REM2: variants seen among roughly 807,000 people sequenced by gnomAD.
The protein encoded by REM2 is GTP-binding protein REM 2.
Under a neutral mutation model 24.4 loss-of-function variants are expected in REM2, and 24 were observed. The ratio of observed to expected loss-of-function variants is 0.98; its 90% CI spans 0.71 to 1.38. REM2 has a LOEUF of 1.38. REM2 is among the 40% of genes most tolerant of loss of function. The pLI, the probability that REM2 is intolerant of heterozygous loss-of-function variation, is 0.00. For synonymous variants in REM2, 187 were observed against 198.0 expected (o/e 0.94, Z 0.47); for missense variants, 429 against 467.8 (o/e 0.92, Z 0.77).
At position 22,884,971 on chromosome 14, in the gene REM2, T is replaced by C. The variant is rs1049857366; in HGVS notation, c.401T>C (p.Phe134Ser). Residue 134 changes from phenylalanine to serine, a missense_variant, in exon 2 of 5, where the codon TTT becomes TCT. Coordinates refer to ENST00000267396, the MANE Select transcript of REM2 (RefSeq NM_173527.3). ...GVGKSTLAGT[F>S]GGLQGDSAHE... Reference sequence around the variant, plus strand: ...GGCAAGAGCACCCTAGCAGGCACTTTTGGTGGTCTCCAGGGAGACAGTGCT... The same window carrying C: ...GGCAAGAGCACCCTAGCAGGCACTTCTGGTGGTCTCCAGGGAGACAGTGCT... The C allele has an allele frequency of 1.3e-6, 2 of 1,568,396 alleles. No individual in the cohort carries two copies. Among genetic ancestry groups the C allele is most frequent in the Non-Finnish European group, 1.7e-6 (2 of 1,154,246 alleles).
intron 1 of REM2, 106 bp downstream of exon 1, chr14:22,883,496 C>A (rs1474707073): frequency 3.0e-5 from 30 of 988,484 alleles, no homozygotes; most frequent in Non-Finnish European, 4.0e-5. Context: ...GCTCAGTCAG[C>A]AAGAGGAGAA....
chr14:22,884,330 G>C (rs1313428949), intron 1 of REM2: 1 of 985,284 alleles, frequency 1.0e-6, no homozygotes, highest in Non-Finnish European at 1.2e-6. Context: ...CAACTCCACC[G>C]TACAGGGCCA....
rs72363604 is a variant in REM2 at position 22,883,255 on chromosome 14, TGCACAC to T, written c.-8_-3del. 0.13 allele frequency: 145,918 copies of T among 1,165,298 alleles called. 10,838 individuals are homozygous for T. The highest frequency in any genetic ancestry group is 0.13 in the Non-Finnish European group (106,681 of 795,752). The allele number at this position is 1,165,298 out of a possible 1,614,324, so 72.2% of individuals were successfully genotyped here. On this transcript the variant is annotated 5_prime_UTR_variant, in exon 1 of 5. Coordinates refer to ENST00000267396, the MANE Select transcript of REM2 (RefSeq NM_173527.3). ...GAGAGGGTGCTGCGAGCTGCTGGGC[TGCACAC>T]GCACACGCACACGCACACGCACACT...
Position 22,886,500 on chromosome 14 carries a change from C to A in REM2, c.728-114C>A. ...GAGCTCAGCCATGTTCTCTCGGTTGCAAGATTCACTAGTACCAATCCCTTG... is the reference window on the plus strand; with the variant it reads ...GAGCTCAGCCATGTTCTCTCGGTTGAAAGATTCACTAGTACCAATCCCTTG... On this transcript the variant is annotated intron_variant, in intron 4 of 4. Transcript: ENST00000267396. The surrounding 1 kb of genome is among the most constrained non-coding windows in gnomAD (Gnocchi z 5.9). The A allele has an allele frequency of 9.9e-7, 1 of 1,010,424 alleles. No homozygotes were observed. The highest frequency in any genetic ancestry group is 1.4e-6 in the Non-Finnish European group (1 of 710,598). 62.6% of individuals were successfully genotyped at this position (1,010,424 alleles called of 1,614,324 possible).
chr14:22,886,706 G>A lies in REM2; in HGVS notation c.820G>A (p.Val274Met). ...HNTRELFEGA[V>M]RQIRLRRGRN... is the part of the protein sequence containing the mutation. ...CACGAGGGAGCTCTTCGAGGGCGCG[G>A]TGCGCCAGATCCGGCTGCGGCGGGG... The change falls in exon 5 of 5, where the codon GTG (valine) becomes ATG (methionine). Residue 274 changes from valine to methionine, a missense_variant. Coordinates refer to ENST00000267396, the MANE Select transcript of REM2 (RefSeq NM_173527.3). The surrounding 1 kb of genome is among the most constrained non-coding windows in gnomAD (Gnocchi z 5.9). 3 of 1,508,260 alleles carry A rather than the reference G, an allele frequency of 2.0e-6. No homozygotes were observed. The highest frequency in any genetic ancestry group is 2.5e-5 in the East Asian group (1 of 39,730). The allele number at this position is 1,508,260 out of a possible 1,614,324, so 93.4% of individuals were successfully genotyped here.
rs2040105562 is a variant in REM2 at position 22,884,755 on chromosome 14, C to T, written c.185C>T (p.Ala62Val). Residue 62 changes from alanine (A) to valine (V), a missense_variant, in exon 2 of 5, where the codon GCC (alanine) becomes GTC (valine). Coordinates refer to ENST00000267396, the MANE Select transcript of REM2 (RefSeq NM_173527.3). ...DRSGLPSAPGAPRRRGSMPVP... is the reference protein window; with the variant it reads ...DRSGLPSAPGVPRRRGSMPVP... ...AGCGGGTTACCCTCTGCCCCTGGGG[C>T]CCCCAGACGAAGAGGCAGTATGCCT... 6.2e-7 allele frequency: 1 copy of T among 1,613,990 alleles called. No individual in the cohort carries two copies. Among genetic ancestry groups the T allele is most frequent in the Non-Finnish European group, 8.5e-7 (1 of 1,179,854 alleles).
In REM2 at chr14:22,886,919, G is replaced by A; in HGVS notation, c.*10G>A. 7.0e-7 allele frequency: 1 copy of A among 1,422,254 alleles called. No homozygotes were observed. The highest frequency in any genetic ancestry group is 9.2e-7 in the Non-Finnish European group (1 of 1,081,826). The allele number at this position is 1,422,254 out of a possible 1,614,324, so 88.1% of individuals were successfully genotyped here. On this transcript the variant is annotated 3_prime_UTR_variant, in exon 5 of 5. Coordinates refer to ENST00000267396, the MANE Select transcript of REM2 (RefSeq NM_173527.3). This position sits in a 1 kb window ranked among gnomAD's most constrained non-coding sequence, Gnocchi z 5.9. ...CCTCTCGGTGCTCTGAGCCGCGGTC[G>A]CCATGGCCACTGCGGTCGCCATGGT...
In REM2 at chr14:22,886,559, C is replaced by G; in HGVS notation, c.728-55C>G. On this transcript the variant is annotated intron_variant, in intron 4 of 4. Transcript: ENST00000267396. The surrounding 1 kb of genome is among the most constrained non-coding windows in gnomAD (Gnocchi z 5.9). ...CGCCCAGGCCCTCCCTAGACCCACC[C>G]TCGCCCCGGGTCCCGTACAGCCCAG... The G allele has an allele frequency of 7.0e-7, 1 of 1,430,654 alleles. No homozygotes were observed. The highest frequency in any genetic ancestry group is 2.5e-5 in the East Asian group (1 of 39,842). 88.6% of individuals were successfully genotyped at this position (1,430,654 alleles called of 1,614,324 possible). A position where few individuals can be genotyped will look rare whatever the true frequency, so the allele number is the denominator to read the frequency against.
Position 22,886,684 on chromosome 14 carries a change from G to A in REM2, c.798G>A (p.Thr266=), listed in dbSNP as rs1347829225. 3.3e-6 allele frequency: 5 copies of A among 1,498,068 alleles called. No homozygotes were observed. Among genetic ancestry groups the A allele is most frequent in the African/African-American group, 2.8e-5 (2 of 70,502 alleles). 92.8% of individuals were successfully genotyped at this position (1,498,068 alleles called of 1,614,324 possible). A position where few individuals can be genotyped will look rare whatever the true frequency, so the allele number is the denominator to read the frequency against. The change falls in exon 5 of 5, where the codon ACG becomes ACA. Residue 266 remains threonine (T), a synonymous_variant. Coordinates refer to ENST00000267396, the MANE Select transcript of REM2 (RefSeq NM_173527.3). This position sits in a 1 kb window ranked among gnomAD's most constrained non-coding sequence, Gnocchi z 5.9. ...IETSAALHHN[T]RELFEGAVRQ... ...CGTCGGCCGCACTGCACCACAACACGAGGGAGCTCTTCGAGGGCGCGGTGC... is the reference window on the plus strand; with the variant it reads ...CGTCGGCCGCACTGCACCACAACACAAGGGAGCTCTTCGAGGGCGCGGTGC...
chr14:22,885,926 T>A lies in REM2; in HGVS notation c.520-98T>A, dbSNP rs147222987. 8.3e-4 allele frequency: 819 copies of A among 990,102 alleles called. 2 individuals are homozygous for A. The highest frequency in any genetic ancestry group is 1.9e-3 in the Middle Eastern group (6 of 3,238). 61.3% of individuals were successfully genotyped at this position (990,102 alleles called of 1,614,324 possible). ...GCTCTGCTGTCCTAAGCAGGTGGCT[T>A]CTTTCTGCCTCACAGCCCTGTTCCT... On this transcript the variant is annotated intron_variant, in intron 3 of 4. Transcript: ENST00000267396.
At position 22,886,018 on chromosome 14, in the gene REM2, C is replaced by T. The variant is rs1349814916; in HGVS notation, c.520-6C>T. The T allele has an allele frequency of 6.2e-7, 1 of 1,612,632 alleles. No homozygotes were observed. The highest frequency in any genetic ancestry group is 8.5e-7 in the Non-Finnish European group (1 of 1,178,698). ...CCAGCCCTAACGTTCCTCTGCCTGTCTGCAGGGGGATGCAGGAGGGTGGCT... is the reference window on the plus strand; with the variant it reads ...CCAGCCCTAACGTTCCTCTGCCTGTTTGCAGGGGGATGCAGGAGGGTGGCT... On this transcript the variant is annotated splice_region_variant and splice_polypyrimidine_tract_variant and intron_variant, in intron 3 of 4. Coordinates refer to ENST00000267396, the MANE Select transcript of REM2 (RefSeq NM_173527.3). This position sits in a 1 kb window ranked among gnomAD's most constrained non-coding sequence, Gnocchi z 5.9.
chr14:22,886,377 C>T lies in REM2; in HGVS notation c.727+146C>T, dbSNP rs1050063213. On this transcript the variant is annotated intron_variant, in intron 4 of 4. Transcript: ENST00000267396. The surrounding 1 kb of genome is among the most constrained non-coding windows in gnomAD (Gnocchi z 5.9). ...GGCTAGGGGGACACTCCCAATGCCC[C>T]ACTCGAGGATCCTGAGAATCCCTTC... The T allele has an allele frequency of 1.3e-6, 1 of 791,868 alleles. No individual in the cohort carries two copies. Among genetic ancestry groups the T allele is most frequent in the African/African-American group, 1.7e-5 (1 of 58,146 alleles). 49.1% of individuals were successfully genotyped at this position (791,868 alleles called of 1,614,324 possible).
At chr14:22,885,195 T>C (rs2040112092) in intron 2 of REM2, 71 bp from the exon 3 acceptor site, 1 of 1,457,804 alleles carries the variant, frequency 6.9e-7, no homozygotes, top group Admixed American at 1.7e-5. Flanking sequence ...GAGGTGTCCC[T>C]GGTTACCAGG....
intron 2 of REM2, 32 bp downstream of exon 2, chr14:22,885,047 G>T (rs1336066343): frequency 6.6e-7 from 1 of 1,518,334 alleles, no homozygotes; most frequent in Non-Finnish European, 8.8e-7. Context: ...GGGTTGAGGG[G>T]GCTCTGGGGC....
Position 22,885,302 on chromosome 14 carries a change from A to C in REM2, c.482A>C (p.Glu161Ala). Residue 161 changes from glutamate (E) to alanine (A), a missense_variant, in exon 3 of 5, where the codon GAG becomes GCG. Physicochemically the swap from Glu to Ala is moderately radical, Grantham distance 107 (BLOSUM62 -1). Transcript: ENST00000267396. ...GAGAGACGCATCATGGTGGATAAGG[A>C]GGAAGTGACTCTAGTCGTTTATGAC... The part of the protein sequence containing the change: ...TYERRIMVDK[E>A]EVTLVVYDIW... The C allele has an allele frequency of 6.2e-7, 1 of 1,613,708 alleles. No individual in the cohort carries two copies. The highest frequency in any genetic ancestry group is 8.5e-7 in the Non-Finnish European group (1 of 1,179,664).
Position 22,887,000 on chromosome 14 carries a change from T to C in REM2, c.*91T>C. ...CCGCCCCGCCCCCGTCCGGCTTCCT[T>C]GGTGGAGGCCGTCTAGGAAACCAAA... On this transcript the variant is annotated 3_prime_UTR_variant, in exon 5 of 5. Coordinates refer to ENST00000267396, the MANE Select transcript of REM2 (RefSeq NM_173527.3). The surrounding 1 kb of genome is among the most constrained non-coding windows in gnomAD (Gnocchi z 5.9). The C allele has an allele frequency of 8.5e-7, 1 of 1,181,140 alleles. No homozygotes were observed. The highest frequency in any genetic ancestry group is 1.1e-6 in the Non-Finnish European group (1 of 888,128). 73.2% of individuals were successfully genotyped at this position (1,181,140 alleles called of 1,614,324 possible).
At chr14:22,884,009 C>T (rs1021103052) in intron 1 of REM2, 2 of 985,172 alleles carry the variant, frequency 2.0e-6, no homozygotes, top group African/African-American at 3.5e-5. Context: ...AGGATTCTCA[C>T]ATCCAACCAC....
Position 22,885,248 on chromosome 14 carries a change from C to T in REM2, c.446-18C>T. On this transcript the variant is annotated intron_variant, in intron 2 of 4. Transcript: ENST00000267396. The stretch of plus-strand genomic sequence containing the variant: ...AACCTCCTAATGGACTTTATACCCT[C>T]TCCCTATTTCCCAGCAGAGGATACC... 6.2e-7 allele frequency: 1 copy of T among 1,608,588 alleles called. No individual in the cohort carries two copies. Among genetic ancestry groups the T allele is most frequent in the Non-Finnish European group, 8.5e-7 (1 of 1,175,018 alleles).
chr14:22,887,110 T>G lies in REM2; in HGVS notation c.*201T>G. 1 of 425,002 alleles carries G rather than the reference T, an allele frequency of 2.4e-6. No homozygotes were observed. 26.3% of individuals were successfully genotyped at this position (425,002 alleles called of 1,614,324 possible). A position where few individuals can be genotyped will look rare whatever the true frequency, so the allele number is the denominator to read the frequency against. On this transcript the variant is annotated 3_prime_UTR_variant, in exon 5 of 5. Transcript: ENST00000267396. ...TCCACACCCGCCCCAACGCGTTCTCTGGAGCTTTGGGCCTCAGGGCGCCTA... is the reference window on the plus strand; with the variant it reads ...TCCACACCCGCCCCAACGCGTTCTCGGGAGCTTTGGGCCTCAGGGCGCCTA...
Sources: allele counts gnomAD v4.1 joint callset, GRCh38; gene constraint gnomAD v4.1.1; non-coding constraint Gnocchi (gnomAD v3.1); transcripts MANE v1.5; gene names NCBI Gene and HGNC (gene_info 2026-07-23, HGNC 2026-07-21).